The following DHRSX variants were observed in gnomAD, a reference collection of about 807,000 sequenced individuals.
The protein encoded by DHRSX is dehydrogenase/reductase X-linked, also known as polyprenol dehydrogenase.
Under a neutral mutation model 34.0 loss-of-function variants are expected in DHRSX, and 31 were observed. The ratio of observed to expected loss-of-function variants is 0.91; its 90% confidence interval spans 0.69 to 1.23. DHRSX has a LOEUF of 1.23. Among genes scored for constraint, DHRSX ranks in the 50% most tolerant of loss-of-function variants. The pLI, the probability that DHRSX is intolerant of heterozygous loss-of-function variation, is 0.00. For synonymous variants in DHRSX, 201 were observed against 183.8 expected (o/e 1.09, Z -0.76); for missense variants, 414 against 428.1 (o/e 0.97, Z 0.29).
intron 3 of DHRSX, among the ~76,000 whole-genome samples, chrX:2,346,449 G>A (rs1402390901): frequency 6.6e-6 from 1 of 151,648 alleles, no homozygotes; most frequent in African/African-American, 2.4e-5. Context: ...TGATTTTCCT[G>A]CCCCCAGCCT....
chrX:2,271,278 C>A (rs1029122783), intron 4 of DHRSX, among the ~76,000 whole-genome samples: 1 of 152,178 alleles, frequency 6.6e-6, no homozygotes, highest in Non-Finnish European at 1.5e-5. Context: ...TAACACTCAC[C>A]GTGAGGGTCT....
chrX:2,408,355 C>G (rs1174485243), intron 3 of DHRSX, among the ~76,000 whole-genome samples: 2 of 152,078 alleles, frequency 1.3e-5, no homozygotes, highest in South Asian at 2.1e-4. Context: ...ATTACAGGCG[C>G]GAGCCACTGC....
chrX:2,425,446 C>T lies in DHRSX; in HGVS notation c.110-142G>A, dbSNP rs763048485. The T allele has an allele frequency of 1.0e-4, 78 of 743,018 alleles. No individual in the cohort carries two copies. The African/African-American group carries it at 1.1e-3, about 11-fold the overall frequency. The allele number at this position is 743,018 out of a possible 1,614,324, so 46.0% of individuals were successfully genotyped here. A position where few individuals can be genotyped will look rare whatever the true frequency, so the allele number is the denominator to read the frequency against. ...TGGTTCTGTTCCTCTTGAATTCCCACAGGCTCAGGAGGCATGAATGTATTA... is the reference window on the plus strand; with the variant it reads ...TGGTTCTGTTCCTCTTGAATTCCCATAGGCTCAGGAGGCATGAATGTATTA... On this transcript the variant is annotated intron_variant, in intron 1 of 6. Coordinates refer to ENST00000334651, the MANE Select transcript of DHRSX (RefSeq NM_145177.3).
chrX:2,321,126 G>A (rs183703638), intron 3 of DHRSX, among the ~76,000 whole-genome samples: 8 of 152,240 alleles, frequency 5.3e-5, no homozygotes, highest in African/African-American at 1.9e-4. Context: ...CATTGAGAGA[G>A]CCTAAGTATA....
chrX:2,416,396 T>A (rs1483278413), intron 2 of DHRSX, among the ~76,000 whole-genome samples: 5 of 152,148 alleles, frequency 3.3e-5, no homozygotes. Flanking sequence ...ATTTCTTATA[T>A]TGGAAAAAAG....
intron 1 of DHRSX, chrX:2,488,884 C>T (rs1381234056): frequency 6.8e-6 from 11 of 1,611,130 alleles, no homozygotes; most frequent in African/African-American, 1.3e-5. Flanking sequence ...CGCGCGTGGC[C>T]GTCACGCACC....
chrX:2,391,935 A>G (rs1243850586), intron 3 of DHRSX, among the ~76,000 whole-genome samples: 1 of 152,152 alleles, frequency 6.6e-6, no homozygotes, highest in East Asian at 1.9e-4. Context: ...TAAAAGAAAA[A>G]AAAAGGAAAG....
chrX:2,368,692 A>G (rs1181654261), intron 3 of DHRSX, among the ~76,000 whole-genome samples: 1 of 152,146 alleles, frequency 6.6e-6, no homozygotes, highest in Non-Finnish European at 1.5e-5. Context: ...TCTACTAAAA[A>G]TACAAAAATT....
intron 3 of DHRSX, among the ~76,000 whole-genome samples, chrX:2,340,924 G>A (rs931212851): frequency 2.0e-5 from 3 of 152,104 alleles, no homozygotes; most frequent in Non-Finnish European, 4.4e-5. Flanking sequence ...GGAGACGCAA[G>A]CATTTGAGCT....
chrX:2,314,435 G>GAAGGAAGGGGAGAAGGGAGGGA (rs1569487275), intron 3 of DHRSX, among the ~76,000 whole-genome samples: 26 of 92,712 alleles, frequency 2.8e-4, no homozygotes, highest in Middle Eastern at 6.8e-3. Flanking sequence ...GGGGAGAAGG[G>GAAGGAAGGGGAGAAGGGAGGGA]AGGAAGGAAG....
At chrX:2,304,049 A>ATGGATGGATGGATGGG (rs1474765249) in intron 3 of DHRSX, among the ~76,000 whole-genome samples, 4 of 122,808 alleles carry the variant, frequency 3.3e-5, no homozygotes, top group Non-Finnish European at 7.5e-5. Flanking sequence ...GGATGGATGG[A>ATGGATGGATGGATGGG]TGGATGGATG....
intron 1 of DHRSX, among the ~76,000 whole-genome samples, chrX:2,457,878 AGCAGCCAAGAGACG>A (rs1437791019): frequency 6.7e-6 from 1 of 149,882 alleles, no homozygotes; most frequent in Non-Finnish European, 1.5e-5. Flanking sequence ...TCCCTAAGAA[AGCAGCCAAGAGACG>A]GCAGGGAATA....
At chrX:2,403,491 C>A (rs2043513421) in intron 3 of DHRSX, among the ~76,000 whole-genome samples, 1 of 152,140 alleles carries the variant, frequency 6.6e-6, no homozygotes, top group Admixed American at 6.5e-5. Flanking sequence ...TGCTACTTGT[C>A]CACAAAACAC....
intron 1 of DHRSX, among the ~76,000 whole-genome samples, chrX:2,492,206 T>C (rs1433954188): frequency 6.6e-6 from 1 of 152,192 alleles, no homozygotes; most frequent in Non-Finnish European, 1.5e-5. Flanking sequence ...TGCAGATGTA[T>C]TAATAATGAA....
chrX:2,434,692 TTTA>T (rs2043972201), intron 1 of DHRSX, among the ~76,000 whole-genome samples: 1 of 151,880 alleles, frequency 6.6e-6, no homozygotes, highest in Non-Finnish European at 1.5e-5. Context: ...GAAAAGAAAA[TTTA>T]CATGCATTTT....
chrX:2,284,368 T>C (rs1286814795), intron 4 of DHRSX, among the ~76,000 whole-genome samples: 2 of 144,956 alleles, frequency 1.4e-5, no homozygotes, highest in African/African-American at 5.0e-5. Flanking sequence ...ATTCATTCAT[T>C]CACTCATTTG....
At chrX:2,471,038 G>A (rs2044584927) in intron 1 of DHRSX, among the ~76,000 whole-genome samples, 1 of 152,086 alleles carries the variant, frequency 6.6e-6, no homozygotes, top group African/African-American at 2.4e-5. Flanking sequence ...TGATGTGTAC[G>A]TGGATTAAAA....
chrX:2,257,288 G>A (rs2124449003), intron 5 of DHRSX, among the ~76,000 whole-genome samples: 1 of 152,310 alleles, frequency 6.6e-6, no homozygotes, highest in Non-Finnish European at 1.5e-5. Flanking sequence ...TCAGTCATAT[G>A]TGACGCAGGG....
At chrX:2,420,244 T>TAAAAATACA (rs1310904213) in intron 2 of DHRSX, among the ~76,000 whole-genome samples, 1 of 150,962 alleles carries the variant, frequency 6.6e-6, no homozygotes, top group Non-Finnish European at 1.5e-5. Flanking sequence ...CCCCCTCTAC[T>TAAAAATACA]AAAAATACAA....
Sources: allele counts gnomAD v4.1 joint callset (sites outside exome capture counted in the v4.1 genomes callset), GRCh38; gene constraint gnomAD v4.1.1; transcripts MANE v1.5; gene names NCBI Gene and HGNC (gene_info 2026-07-23, HGNC 2026-07-21).